ANOS1: variants seen among roughly 807,000 people sequenced by gnomAD.
ANOS1 encodes anosmin 1.
Under a neutral mutation model 59.0 loss-of-function variants are expected in ANOS1, and 6 were observed. That is an observed-to-expected ratio of 0.10 (90% CI 0.06 to 0.20). ANOS1 has a LOEUF of 0.20. Among genes scored for constraint, ANOS1 ranks in the 10% least tolerant of loss-of-function variants. The probability of loss-of-function intolerance (pLI) is 1.00; values close to 1 mark genes in which losing one functional copy is unlikely to be tolerated. For missense variants in ANOS1, 433 were observed against 542.3 expected (o/e 0.80, Z 2.00); for synonymous variants, 217 against 223.4 (o/e 0.97, Z 0.25).
At position 8,598,073 on chromosome X, in the gene ANOS1, G is replaced by T. The variant is rs939029977; in HGVS notation, c.319-817C>A. Among the ~76,000 whole-genome samples the T allele has an allele frequency of 3.9e-4, 44 of 111,905 alleles. 1 individual carries two copies. Among genetic ancestry groups the T allele is most frequent in the African/African-American group, 1.4e-3 (44 of 30,853 alleles). ...TTTATTGGTATTGTATAGCACAGTTGTCTAAGCGTTCTAATTGAACATATT... is the reference window on the plus strand; with the variant it reads ...TTTATTGGTATTGTATAGCACAGTTTTCTAAGCGTTCTAATTGAACATATT... On this transcript the variant is annotated intron_variant, in intron 3 of 13. Coordinates refer to ENST00000262648, the MANE Select transcript of ANOS1 (RefSeq NM_000216.4).
chrX:8,694,797 G>A (rs191148791), intron 2 of ANOS1, among the ~76,000 whole-genome samples: 37 of 112,011 alleles, frequency 3.3e-4, no homozygotes, highest in Non-Finnish European at 5.8e-4. Flanking sequence ...ATTCCAAAAA[G>A]TATTTAGTGT....
At chrX:8,594,643 C>CATAT (rs1265106253) in intron 4 of ANOS1, among the ~76,000 whole-genome samples, 1 of 45,679 alleles carries the variant, frequency 2.2e-5, no homozygotes, top group African/African-American at 8.4e-5. Context: ...AAAAAATCTA[C>CATAT]ATATATATAT....
chrX:8,636,532 T>C (rs1001202557), intron 2 of ANOS1, among the ~76,000 whole-genome samples: 16 of 112,286 alleles, frequency 1.4e-4, no homozygotes, highest in African/African-American at 4.9e-4. Flanking sequence ...GTGATTATAG[T>C]AGGTTCTAAG....
At chrX:8,611,251 G>T (rs1168082690) in intron 3 of ANOS1, among the ~76,000 whole-genome samples, 5 of 87,391 alleles carry the variant, frequency 5.7e-5, no homozygotes, top group African/African-American at 2.1e-4. Flanking sequence ...AAGACACAAT[G>T]ATTTAAAATA....
rs774351060 is a variant in ANOS1, at chrX:8,544,680, C to T, written c.1355-4922G>A. 1.1e-4 allele frequency among the ~76,000 whole-genome samples: 12 copies of T among 111,231 alleles called. No homozygotes were observed. In the East Asian group the frequency reaches 3.4e-3, roughly 31 times the overall value. ...CCTTCAACCCCAGCGTTTTGGGAGT[C>T]TGAGGCTGAAGGATCACCTGAGGCC... On this transcript the variant is annotated intron_variant, in intron 9 of 13. Coordinates refer to ENST00000262648, the MANE Select transcript of ANOS1 (RefSeq NM_000216.4).
At chrX:8,565,205 T>G (rs1371324816) in intron 8 of ANOS1, among the ~76,000 whole-genome samples, 1 of 112,106 alleles carries the variant, frequency 8.9e-6, no homozygotes, top group African/African-American at 3.2e-5. Flanking sequence ...TACCAGTTTC[T>G]AATGGGGAAA....
chrX:8,682,477 T>A (rs1351173375), intron 2 of ANOS1, among the ~76,000 whole-genome samples: 1 of 111,057 alleles, frequency 9.0e-6, no homozygotes, highest in African/African-American at 3.3e-5. Context: ...ACCCGTGGGA[T>A]GCATTAAGCC....
intron 2 of ANOS1, among the ~76,000 whole-genome samples, chrX:8,651,542 C>T (rs1931851062): frequency 1.8e-5 from 2 of 112,192 alleles, no homozygotes; most frequent in African/African-American, 6.5e-5. Flanking sequence ...CGTAGTCTTA[C>T]CTGATTTATA....
intron 2 of ANOS1, among the ~76,000 whole-genome samples, chrX:8,669,125 CGTCACAGCAA>C (rs1932214145): frequency 9.0e-6 from 1 of 111,553 alleles, no homozygotes; most frequent in South Asian, 3.8e-4. Flanking sequence ...TCCCTCAAAG[CGTCACAGCAA>C]GTCCTTTCAT....
chrX:8,692,772 C>G (rs1476710), intron 2 of ANOS1, among the ~76,000 whole-genome samples: 1 of 110,250 alleles, frequency 9.1e-6, no homozygotes, highest in Non-Finnish European at 1.9e-5. Flanking sequence ...CCTATCATAT[C>G]TCTCCATCAG....
intron 9 of ANOS1, among the ~76,000 whole-genome samples, chrX:8,551,302 C>T (rs748808341): frequency 8.9e-6 from 1 of 111,762 alleles, no homozygotes; most frequent in Non-Finnish European, 1.9e-5. Context: ...ATAGAGAATA[C>T]TAAACCTAAA....
chrX:8,717,533 TG>T (rs897035587), intron 1 of ANOS1, among the ~76,000 whole-genome samples: 10 of 108,258 alleles, frequency 9.2e-5, no homozygotes, highest in Non-Finnish European at 1.9e-4. Flanking sequence ...TCTGGCCCAA[TG>T]GGAAAAAAAA....
intron 1 of ANOS1, among the ~76,000 whole-genome samples, chrX:8,706,300 G>A (rs1170648900): frequency 8.9e-6 from 1 of 112,200 alleles, no homozygotes; most frequent in African/African-American, 3.2e-5. Flanking sequence ...CCAAACTAGT[G>A]TCTAACAATG....
intron 2 of ANOS1, among the ~76,000 whole-genome samples, chrX:8,681,645 C>T (rs1414014927): frequency 9.0e-6 from 1 of 111,660 alleles, no homozygotes; most frequent in Non-Finnish European, 1.9e-5. Context: ...TCTCCAAGGA[C>T]ATCAAGGCCC....
At chrX:8,673,926 C>G (rs1932295338) in intron 2 of ANOS1, among the ~76,000 whole-genome samples, 1 of 111,025 alleles carries the variant, frequency 9.0e-6, no homozygotes, top group African/African-American at 3.3e-5. Flanking sequence ...GGCAGGGCGA[C>G]TTCAGCAAGA....
At chrX:8,575,625 A>G (rs55931843) in intron 6 of ANOS1, among the ~76,000 whole-genome samples, 17,365 of 111,436 alleles carry the variant, frequency 0.16, 1,421 homozygotes, top group African/African-American at 0.28. Flanking sequence ...GAAACATGAA[A>G]CAACACAATT....
At chrX:8,574,972 G>GT (rs1284574250) in intron 6 of ANOS1, among the ~76,000 whole-genome samples, 2 of 112,198 alleles carry the variant, frequency 1.8e-5, no homozygotes, top group East Asian at 5.6e-4. Flanking sequence ...ATGTTTGCTT[G>GT]TTTTTTCACA....
In ANOS1 at chrX:8,531,439, A is replaced by G. The variant is rs1469375134; in HGVS notation, c.*1556T>C. On this transcript the variant is annotated 3_prime_UTR_variant, in exon 14 of 14. Transcript: ENST00000262648. ...ACAAGAAGCAAGTACCATTGTCAAA[A>G]CCTAAGGATAATGTTACTGATTTTC... 1 of 111,400 alleles carries G rather than the reference A, an allele frequency of 9.0e-6. No homozygotes were observed. Among genetic ancestry groups the G allele is most frequent in the Non-Finnish European group, 1.9e-5 (1 of 53,060 alleles). 9.2% of individuals were successfully genotyped at this position (111,400 alleles called of 1,213,427 possible).
chrX:8,721,494 C>A (rs1363547854), intron 1 of ANOS1, among the ~76,000 whole-genome samples: 2 of 112,101 alleles, frequency 1.8e-5, no homozygotes, highest in African/African-American at 3.2e-5. Flanking sequence ...CTCCAAAACA[C>A]TGTAAAATGC....
Sources: gnomAD v4.1 joint callset for allele counts (sites outside exome capture counted in the v4.1 genomes callset) on GRCh38, gnomAD v4.1.1 for gene constraint, MANE v1.5 for transcripts, NCBI Gene and HGNC (gene_info 2026-07-23, HGNC 2026-07-21) for gene names.